NFIB: variants seen among roughly 807,000 people sequenced by gnomAD.
NFIB encodes the protein nuclear factor I B, also known as nuclear factor 1 B-type.
NFIB carries 11 observed loss-of-function variants against 61.5 expected under a neutral mutation model. The observed-to-expected ratio is 0.18, with a 90% CI of 0.11 to 0.30. The LOEUF is 0.30. Among genes scored for constraint, NFIB ranks in the 10% least tolerant of loss-of-function variants. The pLI is 1.00. For synonymous variants in NFIB, 260 were observed against 216.5 expected, an observed-to-expected ratio of 1.20 and a Z score of -1.76; for missense variants, 471 against 608.9, an observed-to-expected ratio of 0.77 and a Z score of 2.38.
At chr9:14,459,942 T>C in the NFIB span, among the ~76,000 whole-genome samples, 4 of 151,990 alleles carry the variant, frequency 2.6e-5, no homozygotes, top group African/African-American at 7.2e-5. Flanking sequence ...AGTTCAACCA[T>C]TGTGGAAGTC....
At chr9:14,103,033 T>TAA (rs2036005224) in intron 10 of NFIB, among the ~76,000 whole-genome samples, 16 of 152,184 alleles carry the variant, frequency 1.1e-4, no homozygotes, top group Admixed American at 1.0e-3. Context: ...GTTTTAACCT[T>TAA]TTACTAATTT....
intron 2 of NFIB, among the ~76,000 whole-genome samples, chr9:14,244,111 A>G (rs1587880007): frequency 6.6e-6 from 1 of 152,322 alleles, no homozygotes; most frequent in South Asian, 2.1e-4. Context: ...AGCAATTATG[A>G]GCAAATATTT....
At chr9:14,438,822 G>T in the NFIB span, among the ~76,000 whole-genome samples, 1 of 152,154 alleles carries the variant, frequency 6.6e-6, no homozygotes, top group Non-Finnish European at 1.5e-5. Flanking sequence ...GCCTGGGGCG[G>T]CAGAGAATGA....
chr9:14,238,219 G>T (rs898368826), intron 2 of NFIB, among the ~76,000 whole-genome samples: 1 of 152,024 alleles, frequency 6.6e-6, no homozygotes, highest in African/African-American at 2.4e-5. Flanking sequence ...AAGTGCCTGA[G>T]GCTCAGCTGT....
In NFIB at chr9:14,237,842, A is replaced by AGTGTGTGTGTGTGTGTGTGTGT. The variant is rs200054648; in HGVS notation, c.563-58084_563-58063dup. Among the ~76,000 whole-genome samples the AGTGTGTGTGTGTGTGTGTGTGT allele has an allele frequency of 5.7e-5, 3 of 52,536 alleles. 1 individual carries two copies. The highest frequency in any genetic ancestry group is 1.0e-4 in the Non-Finnish European group (3 of 28,592). 34.5% of individuals were successfully genotyped at this position (52,536 alleles called of 152,430 possible). ...AGCTCCTCACCCTGCTAGGTATAAC[A>AGTGTGTGTGTGTGTGTGTGTGT]GTGTGTGTGTGTGTGTGTGTGTGTG... On this transcript the variant is annotated intron_variant, in intron 2 of 10. Coordinates refer to ENST00000380953, the MANE Select transcript of NFIB (RefSeq NM_001190737.2).
chr9:14,292,212 C>T (rs2059150333), intron 2 of NFIB, among the ~76,000 whole-genome samples: 1 of 152,100 alleles, frequency 6.6e-6, no homozygotes, highest in African/African-American at 2.4e-5. Flanking sequence ...AGTAACGCAT[C>T]CAAAGAAGCA....
the NFIB span, among the ~76,000 whole-genome samples, chr9:14,485,010 A>AGAGAGAG: frequency 6.6e-6 from 1 of 151,804 alleles, no homozygotes; most frequent in South Asian, 2.1e-4. Flanking sequence ...GAGAGAGAGA[A>AGAGAGAG]AGAGAGAGAG....
chr9:14,323,082 C>G (rs1468162037), intron 1 of NFIB, among the ~76,000 whole-genome samples: 1 of 152,220 alleles, frequency 6.6e-6, no homozygotes, highest in Non-Finnish European at 1.5e-5. Flanking sequence ...CGCCAGGCCA[C>G]GTTTGTTTCC....
the NFIB span, among the ~76,000 whole-genome samples, chr9:14,418,789 A>C: frequency 6.6e-6 from 1 of 152,222 alleles, no homozygotes; most frequent in South Asian, 2.1e-4. Flanking sequence ...AACGCTGGGA[A>C]CACTTCCAAA....
At chr9:14,434,116 T>A in the NFIB span, among the ~76,000 whole-genome samples, 1 of 152,224 alleles carries the variant, frequency 6.6e-6, no homozygotes, top group Non-Finnish European at 1.5e-5. Context: ...ATTTTCTTAA[T>A]ATTTGGAAAG....
intron 2 of NFIB, among the ~76,000 whole-genome samples, chr9:14,271,466 T>G (rs1435878880): frequency 3.9e-5 from 6 of 152,012 alleles, no homozygotes; most frequent in Non-Finnish European, 8.8e-5. Flanking sequence ...TCAAATTAAT[T>G]ATGACATCTG....
the NFIB span, among the ~76,000 whole-genome samples, chr9:14,432,276 A>C: frequency 3.3e-5 from 5 of 152,218 alleles, no homozygotes; most frequent in Non-Finnish European, 5.9e-5. Context: ...TGCCATGTAG[A>C]AGTCAGTCTC....
chr9:14,437,659 T>C, the NFIB span, among the ~76,000 whole-genome samples: 1 of 152,196 alleles, frequency 6.6e-6, no homozygotes, highest in Non-Finnish European at 1.5e-5. Flanking sequence ...ACAGAGGAGC[T>C]GGGAGCTGAC....
At chr9:14,418,050 A>G in the NFIB span, among the ~76,000 whole-genome samples, 1 of 152,074 alleles carries the variant, frequency 6.6e-6, no homozygotes, top group Non-Finnish European at 1.5e-5. Flanking sequence ...AAGTGTTGGG[A>G]TTACAGCGCG....
chr9:14,183,097 G>C (rs1040644291), intron 2 of NFIB, among the ~76,000 whole-genome samples: 1 of 152,048 alleles, frequency 6.6e-6, no homozygotes, highest in Non-Finnish European at 1.5e-5. Flanking sequence ...AGGAAGAAAG[G>C]GAGAAAAGGG....
In NFIB at chr9:14,086,853, A is replaced by T. The variant is rs1185819211; in HGVS notation, c.*1456T>A. 4.9e-6 allele frequency: 1 copy of T among 203,422 alleles called. No individual in the cohort carries two copies. Among genetic ancestry groups the T allele is most frequent in the Non-Finnish European group, 1.0e-5 (1 of 99,540 alleles). 12.6% of individuals were successfully genotyped at this position (203,422 alleles called of 1,614,324 possible). ...TAATGTGGACATTATATCTTCGTGC[A>T]AATTAGGATTACTGGAAAGAGTATT... On this transcript the variant is annotated 3_prime_UTR_variant, in exon 11 of 11. Coordinates refer to ENST00000380953, the MANE Select transcript of NFIB (RefSeq NM_001190737.2).
chr9:14,330,374 A>C (rs1219920011), intron 1 of NFIB, among the ~76,000 whole-genome samples: 2 of 152,334 alleles, frequency 1.3e-5, no homozygotes, highest in African/African-American at 4.8e-5. Flanking sequence ...CTGTACAGAG[A>C]CCATATTTTC....
At chr9:14,397,534 C>G (rs180714379) in intron 1 of NFIB, among the ~76,000 whole-genome samples, 15 of 152,114 alleles carry the variant, frequency 9.9e-5, no homozygotes, top group African/African-American at 3.6e-4. Flanking sequence ...TTTATCCCCC[C>G]CAAAAAGATT....
intron 1 of NFIB, among the ~76,000 whole-genome samples, chr9:14,311,064 A>G (rs1364272471): frequency 1.3e-5 from 2 of 152,126 alleles, no homozygotes; most frequent in African/African-American, 4.8e-5. Context: ...TTTTAAACAT[A>G]TATTAAATCA....
Sources: allele counts gnomAD v4.1 joint callset (sites outside exome capture counted in the v4.1 genomes callset), GRCh38; gene constraint gnomAD v4.1.1; transcripts MANE v1.5; gene names NCBI Gene and HGNC (gene_info 2026-07-23, HGNC 2026-07-21).